The following DIS3L2 variants were observed in gnomAD, a reference collection of about 807,000 sequenced individuals.
DIS3L2 encodes DIS3 like 3'-5' exoribonuclease 2, also known as DIS3-like exonuclease 2.
A neutral mutation model predicts 97.5 loss-of-function variants in DIS3L2; 34 were observed. The ratio of observed to expected loss-of-function variants is 0.35; its 90% confidence interval spans 0.27 to 0.46. DIS3L2 has a LOEUF of 0.46. Ranked by LOEUF, DIS3L2 falls within the 20% of genes least tolerant of loss-of-function variation. The pLI, the probability that DIS3L2 is intolerant of heterozygous loss-of-function variation, is 1.00. For synonymous variants in DIS3L2, 435 were observed against 445.2 expected (o/e 0.98, Z 0.29); for missense variants, 1,038 against 1,146.0 (o/e 0.91, Z 1.36).
Position 232,040,011 on chromosome 2 carries a change from A to G in DIS3L2, c.366+9931A>G, listed in dbSNP as rs566329548. Among the ~76,000 whole-genome samples the G allele has an allele frequency of 1.9e-4, 29 of 152,308 alleles. No individual in the cohort carries two copies. In the South Asian group the frequency reaches 5.8e-3, roughly 30 times the overall value. ...CACAGGCTTTGCGCTTAAGGAGTTC[A>G]TAGGCTGGTTGGGAAGAGAATGGAA... On this transcript the variant is annotated intron_variant, in intron 5 of 20. Coordinates refer to ENST00000325385, the MANE Select transcript of DIS3L2 (RefSeq NM_152383.5).
At chr2:232,138,014 CTT>C (rs1166963963) in intron 8 of DIS3L2, among the ~76,000 whole-genome samples, 1 of 152,182 alleles carries the variant, frequency 6.6e-6, no homozygotes, top group Non-Finnish European at 1.5e-5. Flanking sequence ...AAGAGGAAGA[CTT>C]TCACATCAAA....
chr2:232,218,809 C>T lies in DIS3L2; in HGVS notation c.1204+8404C>T, dbSNP rs115566887. 2.0e-3 allele frequency among the ~76,000 whole-genome samples: 309 copies of T among 152,338 alleles called. 1 individual carries two copies. Among genetic ancestry groups the T allele is most frequent in the Middle Eastern group, 3.4e-3 (1 of 294 alleles). ...GTCTAGTTATCTTTCCTACGTGGCACGCACAAGGACCAGATCATGTAGCTT... is the reference window on the plus strand; with the variant it reads ...GTCTAGTTATCTTTCCTACGTGGCATGCACAAGGACCAGATCATGTAGCTT... On this transcript the variant is annotated intron_variant, in intron 10 of 20. Transcript: ENST00000325385.
chr2:232,059,714 A>G (rs901936569), intron 5 of DIS3L2, among the ~76,000 whole-genome samples: 5 of 152,072 alleles, frequency 3.3e-5, no homozygotes, highest in Non-Finnish European at 7.4e-5. Context: ...GCCCCCACTT[A>G]TAAGTGAGAA....
intron 11 of DIS3L2, among the ~76,000 whole-genome samples, chr2:232,247,643 G>GC (rs1693298399): frequency 1.9e-5 from 1 of 53,836 alleles, no homozygotes; most frequent in Non-Finnish European, 4.2e-5. Flanking sequence ...GGGCGGGGGG[G>GC]AGGGTGCCAA....
intron 14 of DIS3L2, among the ~76,000 whole-genome samples, chr2:232,307,964 T>A (rs544179533): frequency 2.2e-4 from 34 of 152,300 alleles, no homozygotes; most frequent in Middle Eastern, 3.4e-3. Context: ...TTTCTCTCCA[T>A]GCCAGGAAGC....
At chr2:232,274,215 A>G (rs972476760) in intron 13 of DIS3L2, among the ~76,000 whole-genome samples, 2 of 152,094 alleles carry the variant, frequency 1.3e-5, no homozygotes, top group Admixed American at 1.3e-4. Flanking sequence ...AGAGATGTGA[A>G]CCTTTCAAGT....
chr2:232,181,663 A>G (rs761978991), intron 9 of DIS3L2, among the ~76,000 whole-genome samples: 13 of 151,178 alleles, frequency 8.6e-5, no homozygotes, highest in Admixed American at 3.3e-4. Flanking sequence ...TTTTGAGACA[A>G]TGTCTCACTC....
chr2:231,973,683 C>T (rs1459093674), intron 1 of DIS3L2, among the ~76,000 whole-genome samples: 1 of 152,272 alleles, frequency 6.6e-6, no homozygotes, highest in East Asian at 1.9e-4. Context: ...TGAGCCACCA[C>T]ACCCAGCCAA....
At chr2:232,134,974 G>C (rs1406929568) in intron 7 of DIS3L2, among the ~76,000 whole-genome samples, 2 of 152,166 alleles carry the variant, frequency 1.3e-5, no homozygotes, top group Non-Finnish European at 2.9e-5. Context: ...AAAGGTGCTA[G>C]AAGTCTTGAT....
chr2:232,060,020 A>AT (rs1207807898), intron 5 of DIS3L2, among the ~76,000 whole-genome samples: 3 of 151,680 alleles, frequency 2.0e-5, no homozygotes, highest in East Asian at 1.9e-4. Flanking sequence ...CATTGCTGAG[A>AT]TTTTTTTTCT....
At chr2:231,988,697 G>A (rs751856129) in intron 1 of DIS3L2, among the ~76,000 whole-genome samples, 2 of 152,166 alleles carry the variant, frequency 1.3e-5, no homozygotes, top group Non-Finnish European at 2.9e-5. Context: ...CTGAAAGTCT[G>A]TTGGTAGTAA....
intron 8 of DIS3L2, among the ~76,000 whole-genome samples, chr2:232,155,487 T>C (rs546906565): frequency 6.6e-6 from 1 of 152,326 alleles, no homozygotes; most frequent in East Asian, 1.9e-4. Flanking sequence ...TATTTAGAAA[T>C]CTTTATCTTT....
intron 5 of DIS3L2, among the ~76,000 whole-genome samples, chr2:232,049,532 C>T (rs1233835375): frequency 6.6e-6 from 1 of 152,076 alleles, no homozygotes; most frequent in African/African-American, 2.4e-5. Flanking sequence ...ACCTTCTGTC[C>T]ACATGATGAC....
chr2:232,056,396 C>A (rs868787631), intron 5 of DIS3L2, among the ~76,000 whole-genome samples: 14 of 140,292 alleles, frequency 1.0e-4, no homozygotes, highest in African/African-American at 3.4e-4. Flanking sequence ...ACAACAACAA[C>A]AAACAAAAAA....
chr2:232,121,052 C>T (rs1353275971), intron 6 of DIS3L2, among the ~76,000 whole-genome samples: 4 of 152,162 alleles, frequency 2.6e-5, no homozygotes, highest in African/African-American at 9.7e-5. Context: ...CCCCCTACAG[C>T]TTCCACCCTG....
At chr2:232,038,986 G>C (rs1695032693) in intron 5 of DIS3L2, among the ~76,000 whole-genome samples, 1 of 152,324 alleles carries the variant, frequency 6.6e-6, no homozygotes, top group Middle Eastern at 3.4e-3. Flanking sequence ...CAGAGGGGCT[G>C]CTGGCTGCCT....
downstream of DIS3L2, among the ~76,000 whole-genome samples, chr2:232,337,790 CAG>C (rs1696012996): frequency 6.6e-6 from 1 of 151,808 alleles, no homozygotes; most frequent in South Asian, 2.1e-4. Context: ...GGTCCCTTGT[CAG>C]AGTGCCTCGC....
intron 14 of DIS3L2, among the ~76,000 whole-genome samples, chr2:232,317,927 GAGGT>G (rs1695321472): frequency 6.6e-6 from 1 of 152,190 alleles, no homozygotes. Flanking sequence ...ATAACCCTGC[GAGGT>G]AGGTAGAAGA....
intron 10 of DIS3L2, among the ~76,000 whole-genome samples, chr2:232,219,813 T>C (rs565709577): frequency 6.6e-6 from 1 of 152,310 alleles, no homozygotes; most frequent in African/African-American, 2.4e-5. Flanking sequence ...CCTGCCTGTA[T>C]CCTTGCTATT....
Sources: gnomAD v4.1 joint callset for allele counts (sites outside exome capture counted in the v4.1 genomes callset) on GRCh38, gnomAD v4.1.1 for gene constraint, MANE v1.5 for transcripts, NCBI Gene and HGNC (gene_info 2026-07-23, HGNC 2026-07-21) for gene names.